The following ABCB5 variants were observed in gnomAD, a reference collection of about 807,000 sequenced individuals.
ABCB5 encodes ATP binding cassette subfamily B member 5.
ABCB5 carries 155 observed loss-of-function variants against 144.2 expected under a neutral mutation model. The ratio of observed to expected loss-of-function variants is 1.08; its 90% CI spans 0.94 to 1.23. The LOEUF is 1.23. Among genes scored for constraint, ABCB5 ranks in the 50% most tolerant of loss-of-function variants. The pLI, the probability that ABCB5 is intolerant of heterozygous loss-of-function variation, is 0.00. For synonymous variants in ABCB5, 610 were observed against 528.6 expected, an observed-to-expected ratio of 1.15 and a Z score of -2.11; for missense variants, 1,830 against 1,520.8, an observed-to-expected ratio of 1.20 and a Z score of -3.38.
intron 23 of ABCB5, among the ~76,000 whole-genome samples, chr7:20,732,925 C>T (rs1223556729): frequency 6.6e-6 from 1 of 152,170 alleles, no homozygotes; most frequent in Admixed American, 6.5e-5. Flanking sequence ...AGACTGCCAA[C>T]CATTCCATTA....
chr7:20,632,750 C>T (rs1485027322), intron 5 of ABCB5, among the ~76,000 whole-genome samples: 2 of 151,758 alleles, frequency 1.3e-5, no homozygotes, highest in African/African-American at 2.4e-5. Flanking sequence ...TCTCAGTAAA[C>T]TATCGCAAGA....
At chr7:20,666,755 C>G in intron 14 of ABCB5, 3 of 1,597,184 alleles carry the variant, frequency 1.9e-6, no homozygotes, top group Non-Finnish European at 1.7e-6. Flanking sequence ...ATTGTATTTT[C>G]TAGAAAAAAT....
chr7:20,743,721 A>G (rs1782632584), intron 25 of ABCB5, among the ~76,000 whole-genome samples: 1 of 152,062 alleles, frequency 6.6e-6, no homozygotes, highest in African/African-American at 2.4e-5. Flanking sequence ...TGCCCGTACA[A>G]AAAAGTTCCT....
chr7:20,656,374 A>C (rs1784791654), intron 13 of ABCB5, among the ~76,000 whole-genome samples: 1 of 152,206 alleles, frequency 6.6e-6, no homozygotes, highest in Non-Finnish European at 1.5e-5. Flanking sequence ...CATGTCCGAC[A>C]AGGACATGAA....
At chr7:20,702,319 G>T (rs927297989) in intron 19 of ABCB5, among the ~76,000 whole-genome samples, 18 of 152,054 alleles carry the variant, frequency 1.2e-4, no homozygotes, top group African/African-American at 3.6e-4. Flanking sequence ...ATTGGCTAAG[G>T]CTTCTTGGGG....
At chr7:20,662,857 T>C (rs1200317339) in intron 14 of ABCB5, among the ~76,000 whole-genome samples, 2 of 151,986 alleles carry the variant, frequency 1.3e-5, no homozygotes, top group African/African-American at 4.8e-5. Context: ...TTTAGAGAAG[T>C]ATACAAATTC....
At chr7:20,617,079 T>C (rs953038693) in intron 1 of ABCB5, among the ~76,000 whole-genome samples, 2 of 152,180 alleles carry the variant, frequency 1.3e-5, no homozygotes, top group East Asian at 1.9e-4. Flanking sequence ...TTTAATTATA[T>C]ACCAAAAACT....
intron 16 of ABCB5, among the ~76,000 whole-genome samples, chr7:20,694,278 T>C (rs1459807503): frequency 6.6e-6 from 1 of 151,946 alleles, no homozygotes; most frequent in Non-Finnish European, 1.5e-5. Flanking sequence ...TAATATATCA[T>C]CACCAAGTAG....
At chr7:20,710,509 A>C (rs769935913) in intron 20 of ABCB5, among the ~76,000 whole-genome samples, 2 of 149,518 alleles carry the variant, frequency 1.3e-5, no homozygotes, top group Non-Finnish European at 3.0e-5. Context: ...CATTAAAAAA[A>C]TATAAAAAAC....
intron 15 of ABCB5, among the ~76,000 whole-genome samples, chr7:20,682,822 A>C (rs1030789411): frequency 2.0e-5 from 3 of 152,160 alleles, no homozygotes; most frequent in African/African-American, 7.2e-5. Context: ...GGGCATGATG[A>C]TGCTGGAGGC....
chr7:20,701,165 T>A (rs1786612861), intron 19 of ABCB5, among the ~76,000 whole-genome samples: 1 of 152,218 alleles, frequency 6.6e-6, no homozygotes, highest in African/African-American at 2.4e-5. Context: ...AACAAAAGTC[T>A]ACTTGTAGGA....
In ABCB5 at chr7:20,753,524, T is replaced by C; in HGVS notation, c.3576+18T>C. The C allele has an allele frequency of 9.3e-6, 15 of 1,605,380 alleles. No individual in the cohort carries two copies. The highest frequency in any genetic ancestry group is 1.3e-5 in the Non-Finnish European group (15 of 1,176,502). ...GTGAGAAGGTAACATCATTTTCTTTTATCTCAGAATATAATACCAAATATA... is the reference window on the plus strand; with the variant it reads ...GTGAGAAGGTAACATCATTTTCTTTCATCTCAGAATATAATACCAAATATA... On this transcript the variant is annotated intron_variant, in intron 27 of 27. Transcript: ENST00000404938.
chr7:20,631,486 T>C (rs1363183037), intron 4 of ABCB5, among the ~76,000 whole-genome samples: 3 of 152,274 alleles, frequency 2.0e-5, no homozygotes, highest in Middle Eastern at 3.4e-3. Flanking sequence ...TTTTGTGTTA[T>C]TGGTGAAATC....
Position 20,755,652 on chromosome 7 carries a change from GT to G in ABCB5, c.*30del. ...CTGTTGAGGTAGCACATATTTTGAT[GT>G]TCGTGTAATGCAAAGAAGGAGTACT... On this transcript the variant is annotated 3_prime_UTR_variant, in exon 28 of 28. Transcript: ENST00000404938. 1 of 1,605,408 alleles carries G rather than the reference GT, an allele frequency of 6.2e-7. No individual in the cohort carries two copies. The highest frequency in any genetic ancestry group is 1.1e-5 in the South Asian group (1 of 90,724).
intron 20 of ABCB5, among the ~76,000 whole-genome samples, chr7:20,720,224 T>G (rs1256534432): frequency 6.6e-6 from 1 of 152,130 alleles, no homozygotes; most frequent in Non-Finnish European, 1.5e-5. Flanking sequence ...ACTGGCTACA[T>G]CTGGGATAAT....
intron 5 of ABCB5, among the ~76,000 whole-genome samples, chr7:20,639,113 G>C (rs1225985331): frequency 6.6e-6 from 1 of 151,650 alleles, no homozygotes; most frequent in Non-Finnish European, 1.5e-5. Context: ...AGTGACTAAT[G>C]ATGAGCATTT....
chr7:20,674,694 GA>G (rs887321625), intron 14 of ABCB5, among the ~76,000 whole-genome samples: 69 of 95,370 alleles, frequency 7.2e-4, no homozygotes, highest in Non-Finnish European at 7.7e-4. Context: ...TGTCAAATAA[GA>G]AAAAAAAAAA....
chr7:20,672,955 T>C lies in ABCB5; in HGVS notation c.1708-8550T>C, dbSNP rs571557899. Among the ~76,000 whole-genome samples, 6 of 152,262 alleles carry C rather than the reference T, an allele frequency of 3.9e-5. No homozygotes were observed. The South Asian group carries it at 1.2e-3, about 32-fold the overall frequency. On this transcript the variant is annotated intron_variant, in intron 14 of 27. Coordinates refer to ENST00000404938, the MANE Select transcript of ABCB5 (RefSeq NM_001163941.2). ...ATTGGTTTCTGCTTTGATTTTTATT[T>C]CTTTTCTTCCATTTTTTCTTTTTCT...
At chr7:20,701,761 C>G (rs1786638622) in intron 19 of ABCB5, among the ~76,000 whole-genome samples, 1 of 152,224 alleles carries the variant, frequency 6.6e-6, no homozygotes, top group Non-Finnish European at 1.5e-5. Flanking sequence ...GTCTATGCCA[C>G]TTAGCACATG....
Sources: allele counts gnomAD v4.1 joint callset (sites outside exome capture counted in the v4.1 genomes callset), GRCh38; gene constraint gnomAD v4.1.1; transcripts MANE v1.5; gene names NCBI Gene and HGNC (gene_info 2026-07-23, HGNC 2026-07-21).